Variants in OPHN1 observed in about 807,000 individuals in gnomAD.
The protein encoded by OPHN1 is oligophrenin-1.
In OPHN1, 11 loss-of-function variants were observed where a neutral mutation model predicts 60.7. The ratio of observed to expected loss-of-function variants is 0.18; its 90% confidence interval spans 0.11 to 0.30. OPHN1 has a LOEUF of 0.30. OPHN1 is among the 10% of genes least tolerant of loss of function. The pLI is 1.00. For missense variants in OPHN1, 449 were observed against 611.0 expected (o/e 0.73, Z 2.80); for synonymous variants, 226 against 222.6 (o/e 1.02, Z -0.14).
intron 15 of OPHN1, among the ~76,000 whole-genome samples, chrX:68,175,428 T>TG (rs2077410420): frequency 9.0e-6 from 1 of 110,919 alleles, no homozygotes; most frequent in South Asian, 3.8e-4. Flanking sequence ...AAACAAGAAT[T>TG]TTTTTTCCTA....
intron 5 of OPHN1, among the ~76,000 whole-genome samples, chrX:68,254,688 T>A (rs756894290): frequency 9.0e-6 from 1 of 111,142 alleles, no homozygotes; most frequent in Admixed American, 9.6e-5. Context: ...AAGACATTTT[T>A]CTCTTGGATA....
intron 6 of OPHN1, among the ~76,000 whole-genome samples, chrX:68,224,624 A>G (rs1365434844): frequency 1.8e-5 from 2 of 112,962 alleles, no homozygotes; most frequent in African/African-American, 6.4e-5. Flanking sequence ...AATGCATATA[A>G]TAGAATAGAA....
At position 68,109,793 on chromosome X, in the gene OPHN1, C is replaced by A. The variant is rs748878009; in HGVS notation, c.1526+2061G>T. Among the ~76,000 whole-genome samples, 30 of 111,443 alleles carry A rather than the reference C, an allele frequency of 2.7e-4. 1 individual carries two copies. The highest frequency in any genetic ancestry group is 2.5e-3 in the Admixed American group (26 of 10,462). On this transcript the variant is annotated intron_variant, in intron 18 of 24. Transcript: ENST00000355520. ...TGTAATATATCCCAGAAAATCACCA[C>A]AAAACAAAGTTCATAGAGATCTTCC...
intron 5 of OPHN1, among the ~76,000 whole-genome samples, chrX:68,266,188 A>G (rs2077925238): frequency 9.0e-6 from 1 of 111,045 alleles, no homozygotes; most frequent in South Asian, 3.9e-4. Context: ...CGCCACAAAG[A>G]TACTCCTCGA....
At chrX:68,320,548 C>G (rs570088528) in intron 2 of OPHN1, among the ~76,000 whole-genome samples, 2 of 110,400 alleles carry the variant, frequency 1.8e-5, no homozygotes, top group East Asian at 5.7e-4. Context: ...AACCCCCCCC[C>G]ATTTTTCTAT....
intron 9 of OPHN1, among the ~76,000 whole-genome samples, chrX:68,208,939 C>T (rs1254206941): frequency 8.9e-6 from 1 of 112,420 alleles, no homozygotes; most frequent in African/African-American, 3.2e-5. Flanking sequence ...AATTGTGCGA[C>T]ACACAGTTGA....
At chrX:68,067,878 AG>A (rs1364533302) in intron 20 of OPHN1, among the ~76,000 whole-genome samples, 2 of 111,858 alleles carry the variant, frequency 1.8e-5, no homozygotes, top group Admixed American at 1.9e-4. Context: ...GACAGGTTAT[AG>A]GAAGTGTGAT....
chrX:68,177,924 C>A (rs1222447363), intron 15 of OPHN1, among the ~76,000 whole-genome samples: 1 of 111,625 alleles, frequency 9.0e-6, no homozygotes. Context: ...ATAGAATAGA[C>A]CTATATTTTA....
chrX:68,257,855 G>T (rs1298703269), intron 5 of OPHN1, among the ~76,000 whole-genome samples: 1 of 110,701 alleles, frequency 9.0e-6, no homozygotes, highest in Non-Finnish European at 1.9e-5. Context: ...GGAGATACAT[G>T]CTCTTGATTT....
chrX:68,432,973 G>A lies in OPHN1; in HGVS notation c.48C>T (p.Pro16=), dbSNP rs371759976. 16 of 1,209,432 alleles carry A rather than the reference G, an allele frequency of 1.3e-5. No individual in the cohort carries two copies. The highest frequency in any genetic ancestry group is 1.8e-5 in the Non-Finnish European group (16 of 894,670). Residue 16 remains proline, a synonymous_variant, in exon 2 of 25, where the codon CCC becomes CCT. Coordinates refer to ENST00000355520, the MANE Select transcript of OPHN1 (RefSeq NM_002547.3). ...AACACTTGAGCCTCTCGCGGAAATC[G>A]GGGCTGTCCAGGTAGCAGTCGCTGA... is the stretch of plus-strand genomic sequence containing the variant. The part of the protein sequence containing the change: ...LEFSDCYLDS[P]DFRERLKCYE...
At chrX:68,140,051 A>G (rs1360277766) in intron 15 of OPHN1, among the ~76,000 whole-genome samples, 2 of 112,446 alleles carry the variant, frequency 1.8e-5, no homozygotes, top group Non-Finnish European at 3.8e-5. Context: ...CTTGCTATAC[A>G]TAATTCATTG....
chrX:68,118,494 A>C lies in OPHN1; in HGVS notation c.1361+754T>G, dbSNP rs756320894. Among the ~76,000 whole-genome samples the C allele has an allele frequency of 1.6e-4, 18 of 112,141 alleles. No homozygotes were observed. In the South Asian group the frequency reaches 6.3e-3, roughly 39 times the overall value. ...CTATTTTAGATTAATGAGATTTCCC[A>C]GAACTTATGTATCAATCTTAATGGC... On this transcript the variant is annotated intron_variant, in intron 16 of 24. Coordinates refer to ENST00000355520, the MANE Select transcript of OPHN1 (RefSeq NM_002547.3).
chrX:68,371,829 C>T (rs2078530755), intron 2 of OPHN1, among the ~76,000 whole-genome samples: 1 of 112,582 alleles, frequency 8.9e-6, no homozygotes, highest in Non-Finnish European at 1.9e-5. Context: ...ACTGCAACCT[C>T]TGCCTCCAGG....
chrX:68,346,559 G>A lies in OPHN1; in HGVS notation c.155-47463C>T, dbSNP rs762254891. On this transcript the variant is annotated intron_variant, in intron 2 of 24. Coordinates refer to ENST00000355520, the MANE Select transcript of OPHN1 (RefSeq NM_002547.3). Reference sequence around the variant, plus strand: ...CAGCAAATAGCTGAGAGGAGTGACTGCTTCAGCAGAAAGCTGAAAAAATGA... The same window carrying A: ...CAGCAAATAGCTGAGAGGAGTGACTACTTCAGCAGAAAGCTGAAAAAATGA... Among the ~76,000 whole-genome samples the A allele has an allele frequency of 1.2e-4, 13 of 112,206 alleles. No individual in the cohort carries two copies. The East Asian group carries it at 3.4e-3, about 29-fold the overall frequency.
At chrX:68,141,876 T>C (rs1364337152) in intron 15 of OPHN1, among the ~76,000 whole-genome samples, 2 of 106,225 alleles carry the variant, frequency 1.9e-5, no homozygotes, top group Admixed American at 1.0e-4. Context: ...GGTGACAGTT[T>C]AATAGCAGAA....
At chrX:68,311,339 T>C (rs1421780586) in intron 2 of OPHN1, among the ~76,000 whole-genome samples, 1 of 111,724 alleles carries the variant, frequency 9.0e-6, no homozygotes, top group Non-Finnish European at 1.9e-5. Context: ...TAATATATAT[T>C]TAAAAGGGCA....
chrX:68,387,331 T>C (rs2078629945), intron 2 of OPHN1, among the ~76,000 whole-genome samples: 2 of 109,942 alleles, frequency 1.8e-5, no homozygotes, highest in South Asian at 8.0e-4. Context: ...CACCACCACT[T>C]TAGTTCAAGC....
intron 16 of OPHN1, among the ~76,000 whole-genome samples, chrX:68,115,987 G>A (rs1288502541): frequency 9.0e-6 from 1 of 111,728 alleles, no homozygotes; most frequent in Non-Finnish European, 1.9e-5. Flanking sequence ...AACTCAAAGT[G>A]GGGGCTTCCA....
intron 15 of OPHN1, among the ~76,000 whole-genome samples, chrX:68,185,879 T>C (rs1350634048): frequency 9.1e-6 from 1 of 110,237 alleles, no homozygotes; most frequent in Non-Finnish European, 1.9e-5. Context: ...TGAAATAAGG[T>C]ATACATTACA....
Sources: allele counts gnomAD v4.1 joint callset (sites outside exome capture counted in the v4.1 genomes callset), GRCh38; gene constraint gnomAD v4.1.1; transcripts MANE v1.5; gene names NCBI Gene and HGNC (gene_info 2026-07-23, HGNC 2026-07-21).